ZNF215: variants seen among roughly 807,000 people sequenced by gnomAD.
The protein encoded by ZNF215 is BWSCR2-associated zinc finger protein 2.
Under a neutral mutation model 27.2 loss-of-function variants are expected in ZNF215, and 24 were observed. The observed-to-expected ratio is 0.88, with a 90% confidence interval of 0.64 to 1.24. ZNF215 has a LOEUF of 1.24. ZNF215 is among the 50% of genes most tolerant of loss of function. ZNF215 has a pLI of 0.00. For synonymous variants in ZNF215, 210 were observed against 204.0 expected, an observed-to-expected ratio of 1.03 and a Z score of -0.25; for missense variants, 675 against 605.7, an observed-to-expected ratio of 1.11 and a Z score of -1.20.
intron 6 of ZNF215, among the ~76,000 whole-genome samples, chr11:6,951,990 C>T (rs189641720): frequency 1.2e-4 from 18 of 152,228 alleles, no homozygotes; most frequent in South Asian, 2.1e-4. Flanking sequence ...TTTCGTTATG[C>T]ACCCAGTAGT....
Position 6,956,344 on chromosome 11 carries a change from A to G in ZNF215, c.1367A>G (p.His456Arg), listed in dbSNP as rs373340299. The G allele has an allele frequency of 1.7e-5, 27 of 1,614,162 alleles. No individual in the cohort carries two copies. Among genetic ancestry groups the G allele is most frequent in the Non-Finnish European group, 2.2e-5 (26 of 1,180,010 alleles). ...GAAGACAGTAATAATCCAACACTCC[A>G]TTTTGGAAACAATTTCTATCAATGT... The part of the protein sequence containing the change: ...KSEDSNNPTL[H>R]FGNNFYQCVN... The change falls in exon 7 of 7, where the codon CAT becomes CGT. Residue 456 changes from histidine to arginine, a missense_variant. Coordinates refer to ENST00000278319, the MANE Select transcript of ZNF215 (RefSeq NM_013250.4).
intron 3 of ZNF215, among the ~76,000 whole-genome samples, chr11:6,933,285 C>G (rs1240315122): frequency 6.6e-6 from 1 of 152,146 alleles, no homozygotes; most frequent in Non-Finnish European, 1.5e-5. Flanking sequence ...ATGTACTGGC[C>G]TGCATGAGTG....
chr11:6,957,973 A>G lies in ZNF215; in HGVS notation c.*1442A>G. Reference sequence around the variant, plus strand: ...TTAATGATGATGGTAGCTTTTTGTGAAGGTTCATACCTTATTCAAAGGCAG... The same window carrying G: ...TTAATGATGATGGTAGCTTTTTGTGGAGGTTCATACCTTATTCAAAGGCAG... On this transcript the variant is annotated 3_prime_UTR_variant, in exon 7 of 7. Coordinates refer to ENST00000278319, the MANE Select transcript of ZNF215 (RefSeq NM_013250.4). 1.0e-6 allele frequency: 1 copy of G among 985,436 alleles called. No homozygotes were observed. Among genetic ancestry groups the G allele is most frequent in the Non-Finnish European group, 1.2e-6 (1 of 829,938 alleles). The allele number at this position is 985,436 out of a possible 1,614,324, so 61.0% of individuals were successfully genotyped here. A position where few individuals can be genotyped will look rare whatever the true frequency, so the allele number is the denominator to read the frequency against.
chr11:6,957,674 T>C lies in ZNF215; in HGVS notation c.*1143T>C, dbSNP rs1219501555. ...CATTAGTCTATGGTAAAATTGGTTTTGTTATACATCATTTCACTTAAAGTT... is the reference window on the plus strand; with the variant it reads ...CATTAGTCTATGGTAAAATTGGTTTCGTTATACATCATTTCACTTAAAGTT... On this transcript the variant is annotated 3_prime_UTR_variant, in exon 7 of 7. Transcript: ENST00000278319. 4.4e-6 allele frequency: 4 copies of C among 903,898 alleles called. No homozygotes were observed. Among genetic ancestry groups the C allele is most frequent in the East Asian group, 1.2e-4 (1 of 8,384 alleles). The allele number at this position is 903,898 out of a possible 1,614,324, so 56.0% of individuals were successfully genotyped here. A position where few individuals can be genotyped will look rare whatever the true frequency, so the allele number is the denominator to read the frequency against.
chr11:6,969,095 C>G (rs1442950854), intron 5 of ZNF215, among the ~76,000 whole-genome samples: 1 of 152,098 alleles, frequency 6.6e-6, no homozygotes, highest in Non-Finnish European at 1.5e-5. Context: ...GGTGTTGAAT[C>G]ACTGGATTTG....
chr11:6,927,285 C>T (rs897987993), intron 1 of ZNF215, among the ~76,000 whole-genome samples: 3 of 152,198 alleles, frequency 2.0e-5, no homozygotes, highest in African/African-American at 7.2e-5. Flanking sequence ...ATTCTTTCTC[C>T]ATTTAACATA....
intron 5 of ZNF215, among the ~76,000 whole-genome samples, chr11:6,970,769 C>G (rs1850703269): frequency 6.6e-6 from 1 of 152,088 alleles, no homozygotes; most frequent in Admixed American, 6.5e-5. Context: ...GTGCAGATAC[C>G]TACTACAACA....
At chr11:6,941,789 A>G in intron 4 of ZNF215, 136 bp downstream of exon 4, 1 of 821,986 alleles carries the variant, frequency 1.2e-6, no homozygotes. Flanking sequence ...CCCACAGGAC[A>G]CTGGACCTAT....
chr11:6,941,947 A>G (rs1849644828), intron 4 of ZNF215, among the ~76,000 whole-genome samples: 2 of 152,334 alleles, frequency 1.3e-5, no homozygotes, highest in African/African-American at 2.4e-5. Flanking sequence ...ATCCAGAGCA[A>G]TGTCGCTTAC....
At chr11:6,959,438 T>C (rs1850469806), downstream of ZNF215, among the ~76,000 whole-genome samples, 1 of 152,200 alleles carries the variant, frequency 6.6e-6, no homozygotes, top group African/African-American at 2.4e-5. Context: ...GTTAATTCCA[T>C]GTTTAGTACT....
At chr11:6,953,650 A>G (rs1419564809) in intron 6 of ZNF215, among the ~76,000 whole-genome samples, 1 of 152,104 alleles carries the variant, frequency 6.6e-6, no homozygotes, top group Non-Finnish European at 1.5e-5. Context: ...AATTTTTTCA[A>G]AGTTTTCACC....
chr11:6,989,357 T>C (rs1851094690), downstream of ZNF215, among the ~76,000 whole-genome samples: 1 of 152,012 alleles, frequency 6.6e-6, no homozygotes, highest in Non-Finnish European at 1.5e-5. Flanking sequence ...TAGACATGGG[T>C]TCTGGAGCAA....
At chr11:6,962,930 T>C (rs539808817), downstream of ZNF215, among the ~76,000 whole-genome samples, 1 of 152,216 alleles carries the variant, frequency 6.6e-6, no homozygotes, top group South Asian at 2.1e-4. Context: ...TTTTCCTGTG[T>C]CATGTTGTGT....
In ZNF215 at chr11:6,943,073, A is replaced by T; in HGVS notation, c.484-10A>T. On this transcript the variant is annotated splice_polypyrimidine_tract_variant and intron_variant, in intron 4 of 6. Coordinates refer to ENST00000278319, the MANE Select transcript of ZNF215 (RefSeq NM_013250.4). ...GACACCTTTGATTAAAAAGGAACTT[A>T]ATGTTTTAGGAACCAGTGACATTCA... 6.2e-7 allele frequency: 1 copy of T among 1,608,204 alleles called. No homozygotes were observed. Among genetic ancestry groups the T allele is most frequent in the Non-Finnish European group, 8.5e-7 (1 of 1,178,176 alleles).
At chr11:6,978,469 T>C (rs1163829624) in intron 5 of ZNF215, among the ~76,000 whole-genome samples, 1 of 152,056 alleles carries the variant, frequency 6.6e-6, no homozygotes, top group East Asian at 1.9e-4. Context: ...AGGAGCCGAG[T>C]TGAAAACAAA....
At chr11:6,993,830 C>T (rs1851146502), downstream of ZNF215, among the ~76,000 whole-genome samples, 1 of 152,210 alleles carries the variant, frequency 6.6e-6, no homozygotes, top group Non-Finnish European at 1.5e-5. Context: ...TTTCCCCAGT[C>T]ATTTGTACAC....
chr11:6,969,392 C>G (rs1278350341), intron 5 of ZNF215, among the ~76,000 whole-genome samples: 8 of 151,942 alleles, frequency 5.3e-5, no homozygotes, highest in African/African-American at 1.9e-4. Context: ...TTATCTTAAT[C>G]TCTGATTACT....
intron 3 of ZNF215, among the ~76,000 whole-genome samples, chr11:6,938,895 A>G (rs1031058377): frequency 1.3e-5 from 2 of 152,166 alleles, no homozygotes; most frequent in Admixed American, 1.3e-4. Flanking sequence ...ATTTTATATT[A>G]TGTGAATTTT....
intron 5 of ZNF215, among the ~76,000 whole-genome samples, chr11:6,982,883 C>G (rs1186171110): frequency 1.3e-5 from 2 of 151,600 alleles, no homozygotes; most frequent in Non-Finnish European, 2.9e-5. Flanking sequence ...CAAAAGCTAG[C>G]AGAAGGCAAG....
Sources: gnomAD v4.1 joint callset for allele counts (sites outside exome capture counted in the v4.1 genomes callset) on GRCh38, gnomAD v4.1.1 for gene constraint, MANE v1.5 for transcripts, NCBI Gene and HGNC (gene_info 2026-07-23, HGNC 2026-07-21) for gene names.